COG3: variants seen among roughly 807,000 people sequenced by gnomAD.
COG3 encodes conserved oligomeric Golgi complex subunit 3.
Under a neutral mutation model 114.1 loss-of-function variants are expected in COG3, and 32 were observed. That is an observed-to-expected ratio of 0.28 (90% confidence interval 0.21 to 0.38). The LOEUF is 0.38. Among genes scored for constraint, COG3 ranks in the 10% least tolerant of loss-of-function variants. The pLI is 1.00. For missense variants in COG3, 813 were observed against 973.2 expected (o/e 0.84, Z 2.19); for synonymous variants, 352 against 365.7 (o/e 0.96, Z 0.43).
intron 13 of COG3, 38 bp downstream of exon 13, chr13:45,496,350 A>G: frequency 7.0e-7 from 1 of 1,429,524 alleles, no homozygotes; most frequent in Non-Finnish European, 9.2e-7. Flanking sequence ...CTGCCCCCAC[A>G]CAGCTTTTAG....
chr13:45,505,464 G>A (rs1257889293), intron 14 of COG3, among the ~76,000 whole-genome samples: 1 of 151,652 alleles, frequency 6.6e-6, no homozygotes, highest in Admixed American at 6.6e-5. Context: ...AGCACGCCCA[G>A]ATAATTTTTG....
intron 7 of COG3, among the ~76,000 whole-genome samples, chr13:45,483,986 T>C (rs147782826): frequency 2.0e-5 from 3 of 152,310 alleles, no homozygotes; most frequent in Non-Finnish European, 2.9e-5. Context: ...TTATGGATTG[T>C]AGTTGATTCT....
intron 12 of COG3, 186 bp downstream of exon 12, chr13:45,493,672 G>A: frequency 5.0e-6 from 2 of 396,912 alleles, no homozygotes; most frequent in Non-Finnish European, 4.5e-6. Flanking sequence ...CAATCAGATA[G>A]GGAAAGAATC....
chr13:45,476,571 G>T (rs768191879), intron 2 of COG3, among the ~76,000 whole-genome samples: 1 of 152,136 alleles, frequency 6.6e-6, no homozygotes, highest in African/African-American at 2.4e-5. Flanking sequence ...GAGATTCCAT[G>T]TTTGGACGTT....
intron 2 of COG3, among the ~76,000 whole-genome samples, chr13:45,478,784 C>T (rs577807032): frequency 9.2e-5 from 14 of 152,208 alleles, no homozygotes; most frequent in Non-Finnish European, 1.5e-4. Flanking sequence ...CCACCACACC[C>T]GGTGAAATGG....
chr13:45,473,762 T>G (rs1409451755), intron 1 of COG3, among the ~76,000 whole-genome samples: 1 of 152,246 alleles, frequency 6.6e-6, no homozygotes, highest in Non-Finnish European at 1.5e-5. Context: ...ACAGCTCATG[T>G]TGCTCATTAG....
intron 14 of COG3, among the ~76,000 whole-genome samples, chr13:45,506,540 C>T (rs181086335): frequency 7.2e-4 from 109 of 152,246 alleles, no homozygotes; most frequent in African/African-American, 2.3e-3. Flanking sequence ...AATAAGAATG[C>T]GATTCTGCGA....
chr13:45,489,261 T>TAAAAAA (rs1180674485), intron 8 of COG3, among the ~76,000 whole-genome samples: 3 of 1,026 alleles, frequency 2.9e-3, no homozygotes, highest in African/African-American at 9.7e-3. Flanking sequence ...AGACCCAGCC[T>TAAAAAA]CAAAAAAAAA....
At chr13:45,477,162 C>T (rs1344149764) in intron 2 of COG3, among the ~76,000 whole-genome samples, 2 of 152,102 alleles carry the variant, frequency 1.3e-5, no homozygotes, top group African/African-American at 2.4e-5. Flanking sequence ...CATGTAAATT[C>T]GTTGTGTAGC....
Position 45,535,775 on chromosome 13 carries a change from A to G in COG3, c.*1044A>G. On this transcript the variant is annotated 3_prime_UTR_variant, in exon 23 of 23. Coordinates refer to ENST00000349995, the MANE Select transcript of COG3 (RefSeq NM_031431.4). The stretch of plus-strand genomic sequence containing the variant: ...CCACATCTGAAAACTACCACACCAT[A>G]TCAGGGATCATAAATTATGCATATC... The G allele has an allele frequency of 1.0e-6, 1 of 987,596 alleles. No homozygotes were observed. Among genetic ancestry groups the G allele is most frequent in the Non-Finnish European group, 1.2e-6 (1 of 830,078 alleles). The allele number at this position is 987,596 out of a possible 1,614,324, so 61.2% of individuals were successfully genotyped here. A position where few individuals can be genotyped will look rare whatever the true frequency, so the allele number is the denominator to read the frequency against.
At chr13:45,485,130 G>A (rs1455217939) in intron 7 of COG3, among the ~76,000 whole-genome samples, 37 of 149,882 alleles carry the variant, frequency 2.5e-4, no homozygotes, top group Non-Finnish European at 4.3e-4. Context: ...CCTCCCAGAC[G>A]GGGCGGTGGC....
At chr13:45,472,540 G>A (rs894943537) in intron 1 of COG3, among the ~76,000 whole-genome samples, 1 of 151,900 alleles carries the variant, frequency 6.6e-6, no homozygotes, top group Non-Finnish European at 1.5e-5. Flanking sequence ...TTCCCACTCT[G>A]TTTTCTCTGT....
intron 19 of COG3, among the ~76,000 whole-genome samples, chr13:45,522,525 A>G (rs941695241): frequency 4.6e-5 from 7 of 152,180 alleles, no homozygotes; most frequent in African/African-American, 1.4e-4. Flanking sequence ...AGGTTGAGAA[A>G]TGGGTTGAGT....
chr13:45,529,852 A>G lies in COG3; in HGVS notation c.2292A>G (p.Thr764=). 1 of 1,613,872 alleles carries G rather than the reference A, an allele frequency of 6.2e-7. No homozygotes were observed. The highest frequency in any genetic ancestry group is 8.5e-7 in the Non-Finnish European group (1 of 1,179,782). The change falls in exon 21 of 23, where the codon ACA becomes ACG. Residue 764 remains threonine, a synonymous_variant. Transcript: ENST00000349995. ...CAATAAAAACAAAGCTGCCTGTGAC[A>G]TTGAGAAGTATGTCCTTGTACCTAT... The part of the protein sequence containing the change: ...YKTIKTKLPV[T]LRSMSLYLSN...
chr13:45,510,020 G>C (rs1196244062), intron 15 of COG3, among the ~76,000 whole-genome samples: 1 of 152,122 alleles, frequency 6.6e-6, no homozygotes, highest in Non-Finnish European at 1.5e-5. Context: ...GGGCTTTGGG[G>C]AGTCTATGGA....
chr13:45,475,265 T>A (rs2137785501), intron 1 of COG3, among the ~76,000 whole-genome samples: 1 of 152,276 alleles, frequency 6.6e-6, no homozygotes, highest in Middle Eastern at 3.4e-3. Flanking sequence ...TGGCACGACC[T>A]TGACTCACTG....
chr13:45,486,419 A>G (rs1886674296), intron 7 of COG3, 76 bp from the exon 8 acceptor site: 5 of 883,754 alleles, frequency 5.7e-6, no homozygotes, highest in Non-Finnish European at 9.6e-6. Flanking sequence ...GCCATAGGAA[A>G]TGGTTGCTGT....
intron 14 of COG3, among the ~76,000 whole-genome samples, chr13:45,504,521 A>C (rs546788506): frequency 3.3e-4 from 50 of 152,328 alleles, no homozygotes; most frequent in African/African-American, 1.2e-3. Flanking sequence ...TGAGGCAGTG[A>C]TGGGTTATTG....
At chr13:45,504,931 A>C (rs1869960255) in intron 14 of COG3, among the ~76,000 whole-genome samples, 1 of 152,152 alleles carries the variant, frequency 6.6e-6, no homozygotes, top group Admixed American at 6.5e-5. Flanking sequence ...TCACGCCTGT[A>C]ATCCTAGCAC....
Sources: allele counts gnomAD v4.1 joint callset (sites outside exome capture counted in the v4.1 genomes callset), GRCh38; gene constraint gnomAD v4.1.1; transcripts MANE v1.5; gene names NCBI Gene and HGNC (gene_info 2026-07-23, HGNC 2026-07-21).